The following PDE4D variants were observed in gnomAD, a reference collection of about 807,000 sequenced individuals.
The protein encoded by PDE4D is 3',5'-cyclic-AMP phosphodiesterase 4D.
A neutral mutation model predicts 87.4 loss-of-function variants in PDE4D; 24 were observed. The ratio of observed to expected loss-of-function variants is 0.27; its 90% CI spans 0.20 to 0.39. PDE4D has a LOEUF of 0.39. Ranked by LOEUF, PDE4D falls within the 10% of genes least tolerant of loss-of-function variation. The pLI is 1.00. For missense variants in PDE4D, 714 were observed against 1,041.0 expected, an observed-to-expected ratio of 0.69 and a Z score of 4.32; for synonymous variants, 384 against 383.2, an observed-to-expected ratio of 1.00 and a Z score of -0.02.
intron 5 of PDE4D, among the ~76,000 whole-genome samples, chr5:59,065,123 C>T (rs1262374345): frequency 6.6e-5 from 9 of 136,412 alleles, no homozygotes; most frequent in Admixed American, 3.0e-4. Context: ...CACACACACA[C>T]ATATACAATG....
intron 5 of PDE4D, among the ~76,000 whole-genome samples, chr5:59,044,019 T>C (rs1232035287): frequency 6.6e-6 from 1 of 152,174 alleles, no homozygotes; most frequent in Non-Finnish European, 1.5e-5. Flanking sequence ...TAAACATACG[T>C]GTGCATGTGT....
At chr5:59,238,413 T>C (rs906557031) in intron 1 of PDE4D, among the ~76,000 whole-genome samples, 1 of 152,172 alleles carries the variant, frequency 6.6e-6, no homozygotes, top group African/African-American at 2.4e-5. Flanking sequence ...GAAGAATACA[T>C]GAGAACTCAC....
chr5:59,075,279 G>A (rs1435124492), intron 5 of PDE4D, among the ~76,000 whole-genome samples: 1 of 152,088 alleles, frequency 6.6e-6, no homozygotes, highest in African/African-American at 2.4e-5. Flanking sequence ...ATTACATGAT[G>A]AAACTTATTT....
At chr5:60,293,905 G>A (rs1282803746) in intron 1 of PDE4D, among the ~76,000 whole-genome samples, 1 of 152,174 alleles carries the variant, frequency 6.6e-6, no homozygotes, top group East Asian at 1.9e-4. Context: ...ATTTATGTAT[G>A]ATATAATTTT....
intron 3 of PDE4D, among the ~76,000 whole-genome samples, chr5:59,936,296 G>C (rs1353311088): frequency 1.3e-5 from 2 of 151,956 alleles, no homozygotes; most frequent in African/African-American, 4.8e-5. Context: ...CACCAACGTG[G>C]CACGTGTATA....
At chr5:59,819,040 G>A (rs1182260453) in intron 1 of PDE4D, among the ~76,000 whole-genome samples, 4 of 152,142 alleles carry the variant, frequency 2.6e-5, no homozygotes, top group Non-Finnish European at 5.9e-5. Flanking sequence ...GGCTGACATT[G>A]TCTACTTTGA....
intron 1 of PDE4D, among the ~76,000 whole-genome samples, chr5:59,436,890 A>T (rs986630186): frequency 1.2e-4 from 19 of 152,220 alleles, no homozygotes; most frequent in Non-Finnish European, 2.4e-4. Flanking sequence ...AGAAAACCAC[A>T]TGGACGGATA....
chr5:59,586,628 C>T, intron 1 of PDE4D: 6 of 1,212,640 alleles, frequency 4.9e-6, no homozygotes, highest in Non-Finnish European at 6.2e-6. Flanking sequence ...ATTTAGGTTC[C>T]ACTAGTTAGT....
chr5:59,508,175 C>T (rs762204874), intron 1 of PDE4D, among the ~76,000 whole-genome samples: 3 of 152,044 alleles, frequency 2.0e-5, no homozygotes, highest in Non-Finnish European at 4.4e-5. Context: ...AGAATCTAAA[C>T]AAGGGGCCTA....
rs78522494 is a variant in PDE4D, at chr5:59,619,501, C to A, written c.455+273667G>T. On this transcript the variant is annotated intron_variant, in intron 1 of 14. Transcript: ENST00000340635. ...CCCTAGTAATTCTGATTCAGATGAT[C>A]GAGCATAGCAAGCGGATGGCTGCAT... Among the ~76,000 whole-genome samples the A allele has an allele frequency of 7.1e-3, 1,088 of 152,270 alleles. 17 individuals carry two copies. Among genetic ancestry groups the A allele is most frequent in the African/African-American group, 0.024 (1,006 of 41,550 alleles).
At chr5:59,927,974 G>T (rs1210989290) in intron 3 of PDE4D, among the ~76,000 whole-genome samples, 1 of 152,086 alleles carries the variant, frequency 6.6e-6, no homozygotes, top group Non-Finnish European at 1.5e-5. Flanking sequence ...TTATATGCTT[G>T]GTGTAAAAGT....
chr5:60,466,040 G>C (rs979451969), intron 1 of PDE4D, among the ~76,000 whole-genome samples: 5 of 152,102 alleles, frequency 3.3e-5, no homozygotes, highest in Non-Finnish European at 5.9e-5. Context: ...TCATGAGTTG[G>C]GAACTGACTG....
At chr5:60,147,106 C>T (rs1424876916) in intron 2 of PDE4D, among the ~76,000 whole-genome samples, 2 of 152,138 alleles carry the variant, frequency 1.3e-5, no homozygotes, top group African/African-American at 2.4e-5. Flanking sequence ...TAAAGTCTAT[C>T]GGAGGACTAT....
At chr5:60,113,548 C>T (rs1777877185) in intron 2 of PDE4D, among the ~76,000 whole-genome samples, 1 of 152,108 alleles carries the variant, frequency 6.6e-6, no homozygotes, top group African/African-American at 2.4e-5. Flanking sequence ...TTCATCCTAC[C>T]ATAGTTGCTC....
At position 59,413,457 on chromosome 5, in the gene PDE4D, C is replaced by CAAAAAAAAAAAAAAAAAAA. The variant is rs34074485; in HGVS notation, c.456-197508_456-197490dup. The stretch of plus-strand genomic sequence containing the variant: ...TGGGTGACTGAGTGAGACTCCATCT[C>CAAAAAAAAAAAAAAAAAAA]AAAAAAAAAAAAAAAAAAAAAAAAG... On this transcript the variant is annotated intron_variant, in intron 1 of 14. Transcript: ENST00000340635. Among the ~76,000 whole-genome samples, 100 of 54,418 alleles carry CAAAAAAAAAAAAAAAAAAA rather than the reference C, an allele frequency of 1.8e-3. 1 individual carries two copies. The highest frequency in any genetic ancestry group is 6.7e-3 in the African/African-American group (81 of 12,020). 35.7% of individuals were successfully genotyped at this position (54,418 alleles called of 152,430 possible).
At chr5:60,519,519 C>A (rs1750942640) in intron 1 of PDE4D, among the ~76,000 whole-genome samples, 1 of 152,208 alleles carries the variant, frequency 6.6e-6, no homozygotes, top group South Asian at 2.1e-4. Context: ...CACCTTTCAA[C>A]AAGCATGAAA....
intron 1 of PDE4D, among the ~76,000 whole-genome samples, chr5:59,684,732 T>C (rs926763877): frequency 6.6e-6 from 1 of 152,220 alleles, no homozygotes; most frequent in African/African-American, 2.4e-5. Flanking sequence ...GCTAAGGCCA[T>C]ACCTCCCATG....
intron 1 of PDE4D, among the ~76,000 whole-genome samples, chr5:60,386,981 T>C (rs1294616182): frequency 2.1e-4 from 32 of 152,222 alleles, no homozygotes; most frequent in Admixed American, 2.1e-3. Context: ...GCTTTTACTC[T>C]CCTGCCCATT....
At chr5:59,011,170 T>TA (rs1401910182) in intron 6 of PDE4D, among the ~76,000 whole-genome samples, 1 of 152,024 alleles carries the variant, frequency 6.6e-6, no homozygotes, top group Non-Finnish European at 1.5e-5. Flanking sequence ...CAAAGGTAGA[T>TA]AAAACCACAA....
Sources: gnomAD v4.1 joint callset for allele counts (sites outside exome capture counted in the v4.1 genomes callset) on GRCh38, gnomAD v4.1.1 for gene constraint, MANE v1.5 for transcripts, NCBI Gene and HGNC (gene_info 2026-07-23, HGNC 2026-07-21) for gene names.